LRSAM1: variants seen among roughly 807,000 people sequenced by gnomAD.
LRSAM1 encodes E3 ubiquitin-protein ligase LRSAM1.
A neutral mutation model predicts 118.1 loss-of-function variants in LRSAM1; 96 were observed. The ratio of observed to expected loss-of-function variants is 0.81; its 90% confidence interval spans 0.69 to 0.96. The LOEUF (loss-of-function observed/expected upper bound fraction) is 0.96. Ranked by LOEUF, LRSAM1 falls within the 40% of genes least tolerant of loss-of-function variation. LRSAM1 has a pLI of 0.00. For synonymous variants in LRSAM1, 322 were observed against 364.2 expected, an observed-to-expected ratio of 0.88 and a Z score of 1.32; for missense variants, 804 against 915.5, an observed-to-expected ratio of 0.88 and a Z score of 1.57.
intron 21 of LRSAM1, among the ~76,000 whole-genome samples, chr9:127,493,299 C>T (rs1044528116): frequency 3.9e-5 from 6 of 152,188 alleles, no homozygotes; most frequent in African/African-American, 1.2e-4. Flanking sequence ...CGGGCTCAAA[C>T]GATCTGTCTG....
At chr9:127,493,831 T>C (rs1237725099) in intron 21 of LRSAM1, among the ~76,000 whole-genome samples, 1 of 152,180 alleles carries the variant, frequency 6.6e-6, no homozygotes, top group Non-Finnish European at 1.5e-5. Context: ...AGGCTCACCA[T>C]CTGGGGTGGA....
At chr9:127,455,204 A>G (rs936502202) in intron 4 of LRSAM1, 150 bp downstream of exon 4, 48 of 888,754 alleles carry the variant, frequency 5.4e-5, no homozygotes, top group Non-Finnish European at 8.0e-5. Flanking sequence ...TCTCGTCCAA[A>G]ATAATTGAAG....
rs58140930 is a variant in LRSAM1, at chr9:127,460,847, C to CTTTTTT, written c.322-305_322-300dup. On this transcript the variant is annotated intron_variant, in intron 7 of 25. Coordinates refer to ENST00000300417, the MANE Select transcript of LRSAM1 (RefSeq NM_001005373.4). The stretch of plus-strand genomic sequence containing the variant: ...TCGTGTCACCTCTTCCTGTTTCTTT[C>CTTTTTT]TTTTTTTTTTTTTTTTTTTTTTTTT... Among the ~76,000 whole-genome samples, 603 of 77,438 alleles carry CTTTTTT rather than the reference C, an allele frequency of 7.8e-3. 54 individuals carry two copies. The highest frequency in any genetic ancestry group is 0.011 in the Non-Finnish European group (463 of 42,092). The allele number at this position is 77,438 out of a possible 152,430, so 50.8% of individuals were successfully genotyped here. A position where few individuals can be genotyped will look rare whatever the true frequency, so the allele number is the denominator to read the frequency against.
At chr9:127,491,833 C>T (rs556831885) in intron 20 of LRSAM1, among the ~76,000 whole-genome samples, 46 of 152,316 alleles carry the variant, frequency 3.0e-4, no homozygotes, top group East Asian at 1.2e-3. Flanking sequence ...GCCTGGGAGC[C>T]GGGTGTGGCC....
At chr9:127,479,811 G>T (rs1191883331) in intron 13 of LRSAM1, 28 bp from the exon 14 acceptor site, 1 of 1,608,310 alleles carries the variant, frequency 6.2e-7, no homozygotes, top group Non-Finnish European at 8.5e-7. Flanking sequence ...GGGTCCCAGG[G>T]GCTCAGGACC....
rs760000442 is a variant in LRSAM1 at position 127,461,273 on chromosome 9, C to T, written c.406+16C>T. ...AATGTTAAAGGTAGGGACCAAGAAG[C>T]CGTGTCCGTGTGACCCTCCATCAGC... is the stretch of plus-strand genomic sequence containing the variant. On this transcript the variant is annotated intron_variant, in intron 8 of 25. Transcript: ENST00000300417. The T allele has an allele frequency of 6.9e-6, 11 of 1,605,500 alleles. No homozygotes were observed. The highest frequency in any genetic ancestry group is 1.7e-4 in the Middle Eastern group (1 of 6,006).
chr9:127,501,661 G>T (rs1836399278), intron 25 of LRSAM1, among the ~76,000 whole-genome samples: 1 of 152,268 alleles, frequency 6.6e-6, no homozygotes, highest in East Asian at 1.9e-4. Flanking sequence ...GAACCCGGGA[G>T]GCAGAGATTG....
rs1234491968 is a variant in LRSAM1 at position 127,465,377 on chromosome 9, T to C, written c.529-2363T>C. On this transcript the variant is annotated intron_variant, in intron 9 of 25. Transcript: ENST00000300417. This position sits in a 1 kb window ranked among gnomAD's most constrained non-coding sequence, Gnocchi z 4.1. ...ACCAACCATGGACTCAAACTTTAAA[T>C]CAGATTTATTTTCAGTTACTTAAAA... is the stretch of plus-strand genomic sequence containing the variant. Among the ~76,000 whole-genome samples, 1 of 152,182 alleles carries C rather than the reference T, an allele frequency of 6.6e-6. No homozygotes were observed. The highest frequency in any genetic ancestry group is 1.5e-5 in the Non-Finnish European group (1 of 68,036).
intron 25 of LRSAM1, among the ~76,000 whole-genome samples, chr9:127,502,147 G>A (rs1158430786): frequency 2.0e-5 from 3 of 152,230 alleles, no homozygotes; most frequent in Non-Finnish European, 2.9e-5. Context: ...CTCCGGCAGG[G>A]GCCGGCGGAA....
At chr9:127,495,534 G>T in intron 22 of LRSAM1, 116 bp downstream of exon 22, 1 of 858,188 alleles carries the variant, frequency 1.2e-6, no homozygotes, top group Non-Finnish European at 1.9e-6. Flanking sequence ...ACTCTAGCAT[G>T]CCAGATCCTG....
At chr9:127,473,454 C>A (rs1444059622) in intron 10 of LRSAM1, among the ~76,000 whole-genome samples, 2 of 152,220 alleles carry the variant, frequency 1.3e-5, no homozygotes, top group Non-Finnish European at 2.9e-5. Flanking sequence ...AGGAAAGCAT[C>A]TTGCCCAAGG....
At chr9:127,455,478 C>T in intron 4 of LRSAM1, 98 bp from the exon 5 acceptor site, 2 of 1,273,732 alleles carry the variant, frequency 1.6e-6, no homozygotes, top group Non-Finnish European at 2.3e-6. Flanking sequence ...TGCCCTTGTT[C>T]ACCTCCTGCC....
intron 24 of LRSAM1, 49 bp downstream of exon 24, chr9:127,497,383 G>A: frequency 5.2e-6 from 8 of 1,528,454 alleles, no homozygotes; most frequent in Non-Finnish European, 7.2e-6. Context: ...AGCCGTATGT[G>A]TGGGCTCTGG....
At chr9:127,471,298 C>T (rs1835157353) in intron 10 of LRSAM1, among the ~76,000 whole-genome samples, 2 of 150,684 alleles carry the variant, frequency 1.3e-5, no homozygotes, top group South Asian at 4.2e-4. Flanking sequence ...CATGGCAAAA[C>T]TTCATCTCTA....
chr9:127,458,441 A>G (rs1249334610), intron 6 of LRSAM1, among the ~76,000 whole-genome samples: 1 of 151,762 alleles, frequency 6.6e-6, no homozygotes, highest in African/African-American at 2.4e-5. Flanking sequence ...CCAGCAGAGC[A>G]TGTTGGCTTG....
At chr9:127,484,026 C>T (rs1424503712) in intron 16 of LRSAM1, among the ~76,000 whole-genome samples, 1 of 152,144 alleles carries the variant, frequency 6.6e-6, no homozygotes, top group Admixed American at 6.6e-5. Flanking sequence ...CATCCATCGC[C>T]AGAACTTTTT....
chr9:127,467,711 A>G, intron 9 of LRSAM1, 29 bp from the exon 10 acceptor site: 1 of 1,595,390 alleles, frequency 6.3e-7, no homozygotes. Flanking sequence ...GGTAGCGAAC[A>G]GTAAAGCGGG....
chr9:127,478,855 C>A, intron 11 of LRSAM1, 79 bp from the exon 12 acceptor site: 1 of 1,466,780 alleles, frequency 6.8e-7, no homozygotes, highest in South Asian at 1.1e-5. Context: ...CATCAGGCCA[C>A]CCGGGGGTTC....
intron 10 of LRSAM1, among the ~76,000 whole-genome samples, chr9:127,472,566 A>T (rs1428404895): frequency 2.0e-5 from 3 of 152,066 alleles, no homozygotes; most frequent in Non-Finnish European, 4.4e-5. Context: ...GCTTGAACCC[A>T]GGAGGAGGAG....
Sources: gnomAD v4.1 joint callset for allele counts (sites outside exome capture counted in the v4.1 genomes callset) on GRCh38, gnomAD v4.1.1 for gene constraint, Gnocchi (gnomAD v3.1) non-coding constraint, MANE v1.5 for transcripts, NCBI Gene and HGNC (gene_info 2026-07-23, HGNC 2026-07-21) for gene names.